Variants in SEC14L4 observed in about 807,000 individuals in gnomAD.
The protein encoded by SEC14L4 is SEC14-like protein 4.
In SEC14L4, 42 loss-of-function variants were observed where a neutral mutation model predicts 55.1. The observed-to-expected ratio is 0.76, with a 90% CI of 0.60 to 0.99. The LOEUF (loss-of-function observed/expected upper bound fraction) is 0.99, where lower values mean the gene tolerates loss of function less well. Ranked by LOEUF, SEC14L4 falls within the 50% of genes least tolerant of loss-of-function variation. The pLI is 0.00. For synonymous variants in SEC14L4, 206 were observed against 206.8 expected, an observed-to-expected ratio of 1.00 and a Z score of 0.03; for missense variants, 445 against 512.1, an observed-to-expected ratio of 0.87 and a Z score of 1.27.
rs1205761405 is a variant in SEC14L4 at position 30,492,534 on chromosome 22, A to G, written c.604T>C (p.Phe202Leu). Residue 202 changes from phenylalanine to leucine, a missense_variant, in exon 8 of 12, where the codon TTC becomes CTC. By Grantham distance (22) the Phe-to-Leu change is conservative (BLOSUM62 0). Coordinates refer to ENST00000255858, the MANE Select transcript of SEC14L4 (RefSeq NM_174977.4). ...IRAPKLFPVA[F>L]NLVKSFMSEE... ...CTCATGAACGACTTGACCAAGTTGA[A>G]GGCCACGGGGAACAGTTTTGGGGCT... 1.2e-6 allele frequency: 2 copies of G among 1,613,796 alleles called. No individual in the cohort carries two copies. The highest frequency in any genetic ancestry group is 1.7e-6 in the Non-Finnish European group (2 of 1,179,818).
In SEC14L4 at chr22:30,495,249, C is replaced by T. The variant is rs772866149; in HGVS notation, c.423+5G>A. 6.2e-7 allele frequency: 1 copy of T among 1,603,166 alleles called. No individual in the cohort carries two copies. The highest frequency in any genetic ancestry group is 1.7e-5 in the Admixed American group (1 of 59,374). On this transcript the variant is annotated splice_donor_5th_base_variant and intron_variant, in intron 5 of 11. Coordinates refer to ENST00000255858, the MANE Select transcript of SEC14L4 (RefSeq NM_174977.4). ...ATGAGGCCCAGCCCCACCCCCGCTG[C>T]TCACCTTCTGAGTTTGCAGCTCACA...
At chr22:30,502,223 T>C (rs1051311336) in intron 2 of SEC14L4, among the ~76,000 whole-genome samples, 4 of 152,230 alleles carry the variant, frequency 2.6e-5, no homozygotes, top group African/African-American at 9.6e-5. Flanking sequence ...GAGGAAGAAT[T>C]AGTCCCTGGT....
At chr22:30,496,843 T>C (rs1391777492) in intron 2 of SEC14L4, among the ~76,000 whole-genome samples, 1 of 152,216 alleles carries the variant, frequency 6.6e-6, no homozygotes, top group African/African-American at 2.4e-5. Flanking sequence ...ATTACCTATT[T>C]TGAAGAAATA....
At chr22:30,503,584 T>G in intron 2 of SEC14L4, 93 bp downstream of exon 2, 1 of 893,858 alleles carries the variant, frequency 1.1e-6, no homozygotes, top group Non-Finnish European at 1.8e-6. Context: ...TTTACTACCC[T>G]ACAGCTCCAT....
chr22:30,497,340 A>AAACAAC (rs561503509), intron 2 of SEC14L4, among the ~76,000 whole-genome samples: 5 of 151,162 alleles, frequency 3.3e-5, no homozygotes, highest in Admixed American at 1.3e-4. Context: ...ACTTCATCTC[A>AAACAAC]AACAACAACA....
chr22:30,505,577 TGCTGGGG>T lies in SEC14L4; in HGVS notation c.28_34del (p.Pro10SerfsTer109), dbSNP rs1415779816. 17 of 1,570,318 alleles carry T rather than the reference TGCTGGGG, an allele frequency of 1.1e-5. No homozygotes were observed. The highest frequency in any genetic ancestry group is 1.4e-5 in the Non-Finnish European group (16 of 1,160,790). ...CCTCACCCTGGCCAGCGCTTCCTGC[TGCTGGGG>T]GCTCAGGTCCCCGACTCGGCTGCTC... is the stretch of plus-strand genomic sequence containing the variant. On this transcript the variant is annotated frameshift_variant, in exon 1 of 12. Coordinates refer to ENST00000255858, the MANE Select transcript of SEC14L4 (RefSeq NM_174977.4). LOFTEE classifies it high-confidence loss of function.
intron 2 of SEC14L4, among the ~76,000 whole-genome samples, chr22:30,497,299 A>G (rs1365917181): frequency 2.6e-5 from 4 of 152,214 alleles, no homozygotes; most frequent in Non-Finnish European, 5.9e-5. Context: ...AGATCGCATC[A>G]TTGCACTCCA....
Position 30,504,784 on chromosome 22 carries a change from G to A in SEC14L4, c.54+774C>T, listed in dbSNP as rs552670082. Among the ~76,000 whole-genome samples the A allele has an allele frequency of 7.2e-5, 11 of 152,272 alleles. No individual in the cohort carries two copies. In the South Asian group the frequency reaches 2.3e-3, roughly 32 times the overall value. ...GGGACCAACAGAGCTGAAGGCAAAG[G>A]CTGGGTTTGAAGGTGAATCTGTGAA... On this transcript the variant is annotated intron_variant, in intron 1 of 11. Transcript: ENST00000255858.
Position 30,505,678 on chromosome 22 carries a change from C to A in SEC14L4, c.-67G>T. 6.9e-7 allele frequency: 1 copy of A among 1,440,354 alleles called. No individual in the cohort carries two copies. The highest frequency in any genetic ancestry group is 9.3e-7 in the Non-Finnish European group (1 of 1,075,188). 89.2% of individuals were successfully genotyped at this position (1,440,354 alleles called of 1,614,324 possible). On this transcript the variant is annotated 5_prime_UTR_variant, in exon 1 of 12. Coordinates refer to ENST00000255858, the MANE Select transcript of SEC14L4 (RefSeq NM_174977.4). ...CGCCCGCCGCCGCCTGGCCTTGTAT[C>A]CGCTGCCGCCTGGTTGTGCCTCCTG...
At position 30,494,195 on chromosome 22, in the gene SEC14L4, C is replaced by T. The variant is rs751279311; in HGVS notation, c.535G>A (p.Glu179Lys). The change falls in exon 7 of 12, where the codon GAA becomes AAA. Residue 179 changes from glutamate (E) to lysine (K), a missense_variant. Transcript: ENST00000255858. The stretch of plus-strand genomic sequence containing the variant: ...TTCAGGGTCTCAGGATAATTTGCTT[C>T]CAGGATGCTAAAAAACTGTGGAGTC... ...EVYQQFFSIL[E>K]ANYPETLKNL... The T allele has an allele frequency of 5.6e-6, 9 of 1,613,654 alleles. No individual in the cohort carries two copies. The East Asian group carries it at 2.0e-4, about 36-fold the overall frequency.
chr22:30,502,717 ATTTTTGTAT>A (rs1936367643), intron 2 of SEC14L4, among the ~76,000 whole-genome samples: 1 of 151,878 alleles, frequency 6.6e-6, no homozygotes, highest in Non-Finnish European at 1.5e-5. Flanking sequence ...CACCCGGCTA[ATTTTTGTAT>A]TTTTTGTAGA....
rs372381598 is a variant in SEC14L4, at chr22:30,495,532, G to A, written c.234+51C>T. The A allele has an allele frequency of 6.2e-5, 100 of 1,610,684 alleles. No individual in the cohort carries two copies. The African/African-American group carries it at 1.1e-3, about 17-fold the overall frequency. On this transcript the variant is annotated intron_variant, in intron 4 of 11. Coordinates refer to ENST00000255858, the MANE Select transcript of SEC14L4 (RefSeq NM_174977.4). ...TGGCTGGACGTGGTAGGTGGGAGAT[G>A]TCAGGGGTGAGGGGCCTCAGATGGC...
At chr22:30,494,245 T>C (rs1936065034) in intron 6 of SEC14L4, 35 bp from the exon 7 acceptor site, 2 of 1,550,140 alleles carry the variant, frequency 1.3e-6, no homozygotes, top group Non-Finnish European at 1.8e-6. Context: ...TGGGGCTCTG[T>C]TCCATCACCT....
At chr22:30,492,388 A>T in intron 8 of SEC14L4, 86 bp downstream of exon 8, 3 of 1,323,458 alleles carry the variant, frequency 2.3e-6, no homozygotes, top group Non-Finnish European at 3.2e-6. Context: ...GCCCGAGTAG[A>T]GGACGAGCCA....
At chr22:30,503,358 G>A (rs1235850098) in intron 2 of SEC14L4, among the ~76,000 whole-genome samples, 4 of 151,596 alleles carry the variant, frequency 2.6e-5, no homozygotes, top group African/African-American at 4.8e-5. Context: ...TCTGCCTCCC[G>A]GGTTCAAGCG....
At chr22:30,491,366 C>A in intron 11 of SEC14L4, 1 of 621,918 alleles carries the variant, frequency 1.6e-6, no homozygotes, top group East Asian at 2.8e-5. Flanking sequence ...AGCCCAAGGC[C>A]CTAGGTTCTG....
intron 1 of SEC14L4, among the ~76,000 whole-genome samples, chr22:30,505,263 G>A (rs369891132): frequency 6.6e-6 from 1 of 152,096 alleles, no homozygotes; most frequent in Non-Finnish European, 1.5e-5. Context: ...CCCCGCAGCC[G>A]GATGGCAGCG....
At chr22:30,496,570 C>CA (rs1556019102) in intron 2 of SEC14L4, among the ~76,000 whole-genome samples, 1 of 151,826 alleles carries the variant, frequency 6.6e-6, no homozygotes, top group African/African-American at 2.4e-5. Context: ...CACCCCCCCC[C>CA]ACCACCTGCA....
At chr22:30,490,803 G>A (rs879092175) in intron 11 of SEC14L4, among the ~76,000 whole-genome samples, 14 of 152,180 alleles carry the variant, frequency 9.2e-5, no homozygotes, top group Admixed American at 6.5e-4. Context: ...GAGCAAGGGA[G>A]GGGAGGTACT....
Sources: gnomAD v4.1 joint callset for allele counts (sites outside exome capture counted in the v4.1 genomes callset) on GRCh38, gnomAD v4.1.1 for gene constraint, MANE v1.5 for transcripts, NCBI Gene and HGNC (gene_info 2026-07-23, HGNC 2026-07-21) for gene names.